DPY19L4: variants seen among roughly 807,000 people sequenced by gnomAD.
DPY19L4 encodes dpy-19 like 4, also known as probable C-mannosyltransferase DPY19L4.
Under a neutral mutation model 102.8 loss-of-function variants are expected in DPY19L4, and 97 were observed. The observed-to-expected ratio is 0.94, with a 90% CI of 0.80 to 1.12. The LOEUF is 1.12. DPY19L4 is among the 50% of genes most tolerant of loss of function. The pLI is 0.00. For synonymous variants in DPY19L4, 252 were observed against 283.1 expected (o/e 0.89, Z 1.10); for missense variants, 815 against 850.4 (o/e 0.96, Z 0.52).
chr8:94,789,995 G>A lies in DPY19L4; in HGVS notation c.*85G>A. On this transcript the variant is annotated 3_prime_UTR_variant, in exon 19 of 19. Transcript: ENST00000414645. Reference sequence around the variant, plus strand: ...TACTCGGTGTCTTTTGCAGATCAGAGTATGGACATTTGAAATATTGCTGCT... The same window carrying A: ...TACTCGGTGTCTTTTGCAGATCAGAATATGGACATTTGAAATATTGCTGCT... 7.6e-7 allele frequency: 1 copy of A among 1,321,308 alleles called. No individual in the cohort carries two copies. The highest frequency in any genetic ancestry group is 1.0e-6 in the Non-Finnish European group (1 of 957,752). The allele number at this position is 1,321,308 out of a possible 1,614,324, so 81.8% of individuals were successfully genotyped here.
chr8:94,743,197 T>G (rs1386426057), intron 6 of DPY19L4, among the ~76,000 whole-genome samples: 1 of 151,842 alleles, frequency 6.6e-6, no homozygotes, highest in Non-Finnish European at 1.5e-5. Context: ...CCAGCTAATT[T>G]TTGTATTTTT....
intron 2 of DPY19L4, among the ~76,000 whole-genome samples, chr8:94,727,265 G>A (rs532522538): frequency 2.0e-5 from 3 of 152,256 alleles, no homozygotes; most frequent in South Asian, 4.1e-4. Context: ...ACAGAGTCTC[G>A]CTCTGTCACC....
Position 94,738,417 on chromosome 8 carries a change from T to A in DPY19L4, c.301T>A (p.Ser101Thr). 6.4e-7 allele frequency: 1 copy of A among 1,563,158 alleles called. No individual in the cohort carries two copies. Among genetic ancestry groups the A allele is most frequent in the Non-Finnish European group, 8.6e-7 (1 of 1,156,870 alleles). Residue 101 changes from serine to threonine, a missense_variant, in exon 4 of 19, where the codon TCC becomes ACC. Physicochemically the swap from Ser to Thr is moderately conservative, Grantham distance 58 (BLOSUM62 1). Coordinates refer to ENST00000414645, the MANE Select transcript of DPY19L4 (RefSeq NM_181787.3). ...TCAGGGTGACAGTGCCATTTATTAC[T>A]CCTATTATAAAGATATGTTAAAGGC... is the stretch of plus-strand genomic sequence containing the variant. ...TFQGDSAIYY[S>T]YYKDMLKAPS... is the part of the protein sequence containing the mutation.
chr8:94,755,084 G>T (rs548308188), intron 6 of DPY19L4, among the ~76,000 whole-genome samples: 4 of 152,046 alleles, frequency 2.6e-5, no homozygotes, highest in Non-Finnish European at 5.9e-5. Context: ...CACCGTGCCC[G>T]GCCTGACATT....
Position 94,739,723 on chromosome 8 carries a change from A to T in DPY19L4, c.544A>T (p.Thr182Ser), listed in dbSNP as rs772252298. 1 of 1,613,462 alleles carries T rather than the reference A, an allele frequency of 6.2e-7. No homozygotes were observed. The highest frequency in any genetic ancestry group is 1.3e-5 in the African/African-American group (1 of 74,902). Reference sequence around the variant, plus strand: ...AATATATGTTACTGCTTTATTTGTTACAAGTTGGCTTATGAGTGGAACATG... The same window carrying T: ...AATATATGTTACTGCTTTATTTGTTTCAAGTTGGCTTATGAGTGGAACATG... Reference protein sequence around the residue: ...QGIYVTALFVTSWLMSGTWLA... With the variant: ...QGIYVTALFVSSWLMSGTWLA... The change falls in exon 6 of 19, where the codon ACA becomes TCA. Residue 182 changes from threonine to serine, a missense_variant. Transcript: ENST00000414645.
chr8:94,738,507 T>C, intron 4 of DPY19L4, 48 bp downstream of exon 4: 1 of 1,242,820 alleles, frequency 8.0e-7, no homozygotes, highest in Non-Finnish European at 1.1e-6. Context: ...TTCCTTTTTC[T>C]TTTCTTTTCT....
intron 16 of DPY19L4, 26 bp downstream of exon 16, chr8:94,781,192 T>C: frequency 6.6e-7 from 1 of 1,506,600 alleles, no homozygotes; most frequent in African/African-American, 1.4e-5. Flanking sequence ...CCCAAGACTA[T>C]TATTAAGCTA....
chr8:94,786,173 C>G (rs563780635), intron 17 of DPY19L4, among the ~76,000 whole-genome samples: 112 of 152,218 alleles, frequency 7.4e-4, no homozygotes, highest in African/African-American at 2.4e-3. Flanking sequence ...CTCGCTCAGG[C>G]TGGAGTGCAG....
chr8:94,727,135 G>T (rs1810724679), intron 2 of DPY19L4, among the ~76,000 whole-genome samples: 1 of 152,196 alleles, frequency 6.6e-6, no homozygotes, highest in Non-Finnish European at 1.5e-5. Flanking sequence ...TCTGTTTTAT[G>T]TCGGGGGTTC....
chr8:94,759,793 G>A (rs1387421490), intron 7 of DPY19L4, among the ~76,000 whole-genome samples: 1 of 152,176 alleles, frequency 6.6e-6, no homozygotes, highest in Non-Finnish European at 1.5e-5. Flanking sequence ...GTGAGCCACT[G>A]TGCCCGGCCC....
At position 94,767,418 on chromosome 8, in the gene DPY19L4, C is replaced by T. The variant is rs113207799; in HGVS notation, c.1175+733C>T. On this transcript the variant is annotated intron_variant, in intron 11 of 18. Coordinates refer to ENST00000414645, the MANE Select transcript of DPY19L4 (RefSeq NM_181787.3). ...ATGCTATTCTCCTGCCTCAGCCCCC[C>T]GAGTAGCTGGGACTACAGGCACCCG... is the stretch of plus-strand genomic sequence containing the variant. 4.1e-3 allele frequency among the ~76,000 whole-genome samples: 616 copies of T among 152,042 alleles called. 2 individuals carry two copies. The highest frequency in any genetic ancestry group is 0.013 in the African/African-American group (546 of 41,474).
At chr8:94,726,218 A>G in intron 1 of DPY19L4, 113 bp from the exon 2 acceptor site, 2 of 672,542 alleles carry the variant, frequency 3.0e-6, no homozygotes, top group Non-Finnish European at 4.6e-6. Flanking sequence ...TATCTTTGAT[A>G]CTAATAGGTC....
In DPY19L4 at chr8:94,732,183, T is replaced by C. The variant is rs189085895; in HGVS notation, c.128-2447T>C. 7.9e-5 allele frequency among the ~76,000 whole-genome samples: 12 copies of C among 152,342 alleles called. No individual in the cohort carries two copies. The East Asian group carries it at 1.9e-3, about 24-fold the overall frequency. On this transcript the variant is annotated intron_variant, in intron 2 of 18. Coordinates refer to ENST00000414645, the MANE Select transcript of DPY19L4 (RefSeq NM_181787.3). ...GCAACATGCTATGCAAACTATTATGTATTAAATAATGTTATAAAAATAACT... is the reference window on the plus strand; with the variant it reads ...GCAACATGCTATGCAAACTATTATGCATTAAATAATGTTATAAAAATAACT...
intron 4 of DPY19L4, among the ~76,000 whole-genome samples, chr8:94,738,675 G>A (rs977847931): frequency 5.3e-5 from 8 of 151,556 alleles, no homozygotes; most frequent in African/African-American, 1.2e-4. Flanking sequence ...CACCATGCCC[G>A]GCTAATTTTT....
intron 6 of DPY19L4, among the ~76,000 whole-genome samples, chr8:94,750,328 G>A (rs1811862555): frequency 6.6e-6 from 1 of 152,220 alleles, no homozygotes; most frequent in African/African-American, 2.4e-5. Flanking sequence ...AGATCTACAC[G>A]ATGGTGTGTC....
intron 6 of DPY19L4, among the ~76,000 whole-genome samples, chr8:94,748,326 G>A (rs1415024438): frequency 6.6e-6 from 1 of 152,180 alleles, no homozygotes; most frequent in African/African-American, 2.4e-5. Flanking sequence ...TTGGGTAGGG[G>A]TGGTAGGTAA....
At chr8:94,747,705 C>A (rs1365904021) in intron 6 of DPY19L4, among the ~76,000 whole-genome samples, 2 of 151,898 alleles carry the variant, frequency 1.3e-5, no homozygotes, top group African/African-American at 2.4e-5. Context: ...ACTATAGGTG[C>A]CTGCCACTAT....
At chr8:94,764,689 GTATATATATATA>G (rs1189470959) in intron 8 of DPY19L4, among the ~76,000 whole-genome samples, 4 of 43,206 alleles carry the variant, frequency 9.3e-5, no homozygotes, top group African/African-American at 1.1e-4. Context: ...GTCTGTGTGT[GTATATATATATA>G]TATATATATA....
At position 94,750,577 on chromosome 8, in the gene DPY19L4, G is replaced by GTA. The variant is rs1563588972; in HGVS notation, c.612-5451_612-5450dup. On this transcript the variant is annotated intron_variant, in intron 6 of 18. Coordinates refer to ENST00000414645, the MANE Select transcript of DPY19L4 (RefSeq NM_181787.3). ...TATGTGTATCTGTGTGTGTGTGTGT[G>GTA]TATATATATGCAAACCTATCTTCTA... Among the ~76,000 whole-genome samples the GTA allele has an allele frequency of 3.3e-5, 5 of 150,744 alleles. No homozygotes were observed. In the South Asian group the frequency reaches 6.3e-4, roughly 19 times the overall value.
Sources: gnomAD v4.1 joint callset for allele counts (sites outside exome capture counted in the v4.1 genomes callset) on GRCh38, gnomAD v4.1.1 for gene constraint, MANE v1.5 for transcripts, NCBI Gene and HGNC (gene_info 2026-07-23, HGNC 2026-07-21) for gene names.